The following STAT5B variants were observed in gnomAD, a reference collection of about 807,000 sequenced individuals.
STAT5B encodes signal transducer and activator of transcription 5B.
In STAT5B, 21 loss-of-function variants were observed where a neutral mutation model predicts 107.8. That is an observed-to-expected ratio of 0.19 (90% CI 0.14 to 0.28). The LOEUF (loss-of-function observed/expected upper bound fraction) is 0.28. Among genes scored for constraint, STAT5B ranks in the 10% least tolerant of loss-of-function variants. The pLI, the probability that STAT5B is intolerant of heterozygous loss-of-function variation, is 1.00. For missense variants in STAT5B, 565 were observed against 1,008.2 expected, an observed-to-expected ratio of 0.56 and a Z score of 5.95; for synonymous variants, 325 against 401.7, an observed-to-expected ratio of 0.81 and a Z score of 2.28.
At chr17:42,203,088 C>T in intron 16 of STAT5B, 1 of 454,346 alleles carries the variant, frequency 2.2e-6, no homozygotes, top group Non-Finnish European at 4.1e-6. Context: ...ATTACAGGTA[C>T]ACCACCACAC....
the STAT5B span, among the ~76,000 whole-genome samples, chr17:42,285,555 C>T: frequency 6.6e-6 from 1 of 152,218 alleles, no homozygotes. Context: ...ACCCCCATCC[C>T]GTGGCCTCAG....
At chr17:42,250,492 A>G (rs573677377) in intron 1 of STAT5B, among the ~76,000 whole-genome samples, 7 of 152,238 alleles carry the variant, frequency 4.6e-5, no homozygotes, top group Non-Finnish European at 7.3e-5. Flanking sequence ...TAGCAAAGGA[A>G]TAAGCATGGG....
At chr17:42,232,274 A>G (rs2144297547) in intron 1 of STAT5B, 137 bp from the exon 2 acceptor site, 2 of 946,244 alleles carry the variant, frequency 2.1e-6, no homozygotes, top group Non-Finnish European at 2.7e-6. Context: ...TTTTTGAGAC[A>G]GTCTCGCTCT....
At chr17:42,271,534 T>C (rs1358291195) in intron 1 of STAT5B, 1 of 152,150 alleles carries the variant, frequency 6.6e-6, no homozygotes, top group Non-Finnish European at 1.5e-5. Flanking sequence ...AAAACTAGCA[T>C]AGAATATGAA....
chr17:42,235,771 C>T (rs968650823), intron 1 of STAT5B, among the ~76,000 whole-genome samples: 1 of 152,154 alleles, frequency 6.6e-6, no homozygotes, highest in African/African-American at 2.4e-5. Context: ...CCACCACGCT[C>T]GGCCAGGAGC....
intron 13 of STAT5B, among the ~76,000 whole-genome samples, chr17:42,211,358 T>C (rs1166452070): frequency 2.6e-5 from 4 of 151,898 alleles, no homozygotes; most frequent in East Asian, 1.9e-4. Flanking sequence ...AAATACAAAA[T>C]TGCGGGGCGT....
chr17:42,251,457 GCTTT>G (rs2080499016), intron 1 of STAT5B, among the ~76,000 whole-genome samples: 1 of 152,064 alleles, frequency 6.6e-6, no homozygotes, highest in African/African-American at 2.4e-5. Context: ...TGAAACTTAG[GCTTT>G]CTAATGGCAG....
chr17:42,237,127 C>T (rs188434310), intron 1 of STAT5B, among the ~76,000 whole-genome samples: 1 of 152,314 alleles, frequency 6.6e-6, no homozygotes, highest in African/African-American at 2.4e-5. Context: ...CCTAAGACAG[C>T]CCTGGATGCA....
chr17:42,225,403 C>T (rs555242972), intron 3 of STAT5B, among the ~76,000 whole-genome samples: 2 of 152,112 alleles, frequency 1.3e-5, no homozygotes, highest in East Asian at 1.9e-4. Flanking sequence ...TTAAAAGCCT[C>T]GCAAGAGGAG....
chr17:42,206,217 G>A (rs2080083775), intron 16 of STAT5B, among the ~76,000 whole-genome samples: 2 of 151,994 alleles, frequency 1.3e-5, no homozygotes, highest in South Asian at 4.2e-4. Flanking sequence ...AGTCTCCCAA[G>A]TAGCTGGAAT....
At chr17:42,258,219 AAAAT>A (rs1280873630) in intron 1 of STAT5B, among the ~76,000 whole-genome samples, 4 of 152,242 alleles carry the variant, frequency 2.6e-5, no homozygotes, top group African/African-American at 9.6e-5. Flanking sequence ...GCAACATAGT[AAAAT>A]AAAGGGGTTC....
At position 42,276,176 on chromosome 17, in the gene STAT5B, G is replaced by A. The variant is rs1000416868; in HGVS notation, c.-11+72C>T. The A allele has an allele frequency of 1.3e-5, 2 of 148,162 alleles. No individual in the cohort carries two copies. Among genetic ancestry groups the A allele is most frequent in the African/African-American group, 4.9e-5 (2 of 40,868 alleles). 9.2% of individuals were successfully genotyped at this position (148,162 alleles called of 1,614,324 possible). On this transcript the variant is annotated intron_variant, in intron 1 of 18. Coordinates refer to ENST00000293328, the MANE Select transcript of STAT5B (RefSeq NM_012448.4). This position sits in a 1 kb window ranked among gnomAD's most constrained non-coding sequence, Gnocchi z 4.8. Reference sequence around the variant, plus strand: ...CGGGCGGCTGAGCGGCTGGAGCGCGGGCCCCGCCCGGGCTGGCTCCCCGGC... The same window carrying A: ...CGGGCGGCTGAGCGGCTGGAGCGCGAGCCCCGCCCGGGCTGGCTCCCCGGC...
chr17:42,230,484 A>G (rs2080308749), intron 2 of STAT5B, among the ~76,000 whole-genome samples: 1 of 152,208 alleles, frequency 6.6e-6, no homozygotes, highest in Non-Finnish European at 1.5e-5. Context: ...AATGATACCA[A>G]TTAAAAACCT....
In STAT5B at chr17:42,204,204, C is replaced by T. The variant is rs114553813; in HGVS notation, c.2078-1396G>A. On this transcript the variant is annotated intron_variant, in intron 16 of 18. Coordinates refer to ENST00000293328, the MANE Select transcript of STAT5B (RefSeq NM_012448.4). ...TCCTTTGCTTCCCACAGAATCCCCA[C>T]TGGGATGTGGCAGATGAGCAGATAA... Among the ~76,000 whole-genome samples, 1,417 of 152,296 alleles carry T rather than the reference C, an allele frequency of 9.3e-3. 17 individuals carry two copies. The highest frequency in any genetic ancestry group is 0.033 in the African/African-American group (1,360 of 41,570).
intron 3 of STAT5B, 74 bp from the exon 4 acceptor site, chr17:42,224,942 G>A (rs974377668): frequency 4.2e-5 from 62 of 1,473,984 alleles, no homozygotes; most frequent in South Asian, 5.8e-5. Flanking sequence ...TCAGGATGGG[G>A]AGCCTCCTGA....
At chr17:42,272,223 T>A (rs746497780) in intron 1 of STAT5B, 2 of 152,200 alleles carry the variant, frequency 1.3e-5, no homozygotes, top group African/African-American at 2.4e-5. Flanking sequence ...TCCTGAGCTC[T>A]AATACCATAC....
At chr17:42,254,988 G>C (rs1223280673) in intron 1 of STAT5B, among the ~76,000 whole-genome samples, 1 of 152,122 alleles carries the variant, frequency 6.6e-6, no homozygotes, top group Non-Finnish European at 1.5e-5. Context: ...CTACTTGGGA[G>C]GCTGAGGCAG....
chr17:42,262,904 A>ATATACACATATATATG (rs1567677157), intron 1 of STAT5B, among the ~76,000 whole-genome samples: 8 of 120,704 alleles, frequency 6.6e-5, no homozygotes, highest in African/African-American at 2.5e-4. Context: ...GTGTATATAT[A>ATATACACATATATATG]TGTGTATATA....
upstream of STAT5B, among the ~76,000 whole-genome samples, chr17:42,278,497 G>A (rs2080781615): frequency 2.0e-5 from 3 of 152,000 alleles, no homozygotes; most frequent in Non-Finnish European, 2.9e-5. Context: ...CTTGAGCCTG[G>A]GAGGTCAAGG....
Sources: gnomAD v4.1 joint callset for allele counts (sites outside exome capture counted in the v4.1 genomes callset) on GRCh38, gnomAD v4.1.1 for gene constraint, Gnocchi (gnomAD v3.1) non-coding constraint, MANE v1.5 for transcripts, NCBI Gene and HGNC (gene_info 2026-07-23, HGNC 2026-07-21) for gene names.